PTGER3: variants seen among roughly 807,000 people sequenced by gnomAD.
The protein encoded by PTGER3 is prostaglandin E2 receptor EP3 subtype.
A neutral mutation model predicts 34.7 loss-of-function variants in PTGER3; 22 were observed. The ratio of observed to expected loss-of-function variants is 0.63; its 90% confidence interval spans 0.45 to 0.91. The LOEUF (loss-of-function observed/expected upper bound fraction) is 0.91, where lower values mean the gene tolerates loss of function less well. Among genes scored for constraint, PTGER3 ranks in the 40% least tolerant of loss-of-function variants. The pLI, the probability that PTGER3 is intolerant of heterozygous loss-of-function variation, is 0.00. For synonymous variants in PTGER3, 241 were observed against 230.1 expected (o/e 1.05, Z -0.43); for missense variants, 468 against 519.4 (o/e 0.90, Z 0.96).
At chr1:70,953,669 A>G in intron 3 of PTGER3, 1 of 1,508,568 alleles carries the variant, frequency 6.6e-7, no homozygotes, top group Non-Finnish European at 8.9e-7. Context: ...ACGAACTTTC[A>G]ATTTAAGGAA....
chr1:70,919,972 A>G (rs903553757), intron 4 of PTGER3, among the ~76,000 whole-genome samples: 1 of 152,164 alleles, frequency 6.6e-6, no homozygotes, highest in Admixed American at 6.6e-5. Context: ...TATCTTGCCA[A>G]TTATAAATGA....
intron 2 of PTGER3, among the ~76,000 whole-genome samples, chr1:70,957,743 A>G (rs187559217): frequency 6.6e-6 from 1 of 152,206 alleles, no homozygotes; most frequent in African/African-American, 2.4e-5. Context: ...TATGTAGTAC[A>G]ATGTTATTTT....
intron 3 of PTGER3, among the ~76,000 whole-genome samples, chr1:70,972,823 G>GA (rs962273055): frequency 1.3e-5 from 2 of 151,610 alleles, no homozygotes; most frequent in African/African-American, 2.4e-5. Context: ...AAAACTGCAG[G>GA]AAAAAAAGAA....
At chr1:70,919,118 T>C (rs1186719332) in intron 4 of PTGER3, among the ~76,000 whole-genome samples, 1 of 152,128 alleles carries the variant, frequency 6.6e-6, no homozygotes, top group African/African-American at 2.4e-5. Flanking sequence ...TCTATATTTC[T>C]TTTATCCCTC....
At chr1:71,013,805 A>G (rs1657658080) in intron 1 of PTGER3, among the ~76,000 whole-genome samples, 1 of 152,184 alleles carries the variant, frequency 6.6e-6, no homozygotes, top group Non-Finnish European at 1.5e-5. Flanking sequence ...CACCAAGAGT[A>G]CTGTATATGA....
intron 4 of PTGER3, among the ~76,000 whole-genome samples, chr1:70,887,732 T>C (rs1185313516): frequency 6.6e-6 from 1 of 152,200 alleles, no homozygotes; most frequent in East Asian, 1.9e-4. Context: ...AAAAATCTGT[T>C]TTGCTTGTGA....
chr1:70,857,249 A>G (rs1469220989), intron 4 of PTGER3, among the ~76,000 whole-genome samples: 1 of 152,170 alleles, frequency 6.6e-6, no homozygotes, highest in Non-Finnish European at 1.5e-5. Flanking sequence ...AATTTTCATT[A>G]ATCTGAAAAT....
chr1:70,998,400 G>A (rs1656170389), intron 2 of PTGER3: 2 of 152,182 alleles, frequency 1.3e-5, no homozygotes, highest in Admixed American at 1.3e-4. Context: ...AGTGAAAACT[G>A]AGACTTCGCT....
chr1:70,855,914 T>C (rs982507042), intron 4 of PTGER3, among the ~76,000 whole-genome samples: 1 of 152,182 alleles, frequency 6.6e-6, no homozygotes, highest in Non-Finnish European at 1.5e-5. Context: ...GTGGGGTCAG[T>C]TCTGAGAGGA....
At chr1:71,028,899 T>C (rs1218531630) in intron 1 of PTGER3, among the ~76,000 whole-genome samples, 1 of 152,208 alleles carries the variant, frequency 6.6e-6, no homozygotes, top group Non-Finnish European at 1.5e-5. Context: ...ACTTTTACTG[T>C]ATTAATAATA....
intron 4 of PTGER3, among the ~76,000 whole-genome samples, chr1:70,887,694 G>T (rs149098150): frequency 6.7e-4 from 102 of 151,748 alleles, no homozygotes; most frequent in African/African-American, 2.4e-3. Flanking sequence ...TTTCTCTGTG[G>T]TGCATTAGAG....
chr1:70,930,242 C>T (rs927352059), intron 4 of PTGER3, among the ~76,000 whole-genome samples: 3 of 152,304 alleles, frequency 2.0e-5, no homozygotes, highest in Admixed American at 6.5e-5. Flanking sequence ...AAGCAGACTC[C>T]GTCCTACTGA....
At chr1:70,906,275 C>A (rs890811018) in intron 4 of PTGER3, among the ~76,000 whole-genome samples, 2 of 152,122 alleles carry the variant, frequency 1.3e-5, no homozygotes, top group African/African-American at 4.8e-5. Flanking sequence ...ACTTTGAAAA[C>A]TGTAAGGACA....
intron 2 of PTGER3, among the ~76,000 whole-genome samples, chr1:70,999,591 T>C (rs1044103495): frequency 6.6e-6 from 1 of 152,208 alleles, no homozygotes; most frequent in Non-Finnish European, 1.5e-5. Flanking sequence ...GTTTCACTGA[T>C]GACAAATGGT....
rs529602778 is a variant in PTGER3 at position 70,972,880 on chromosome 1, A to G, written c.1170-1147T>C. Among the ~76,000 whole-genome samples, 3 of 152,140 alleles carry G rather than the reference A, an allele frequency of 2.0e-5. No individual in the cohort carries two copies. The South Asian group carries it at 6.2e-4, about 31-fold the overall frequency. ...GATACTGAATTTTTACTGACTGGTG[A>G]GACTAAAGTTTAGTAAGCTATTTTT... On this transcript the variant is annotated intron_variant, in intron 3 of 3. Transcript: ENST00000306666.
At chr1:70,888,699 G>A (rs1199311846) in intron 4 of PTGER3, among the ~76,000 whole-genome samples, 1 of 151,826 alleles carries the variant, frequency 6.6e-6, no homozygotes, top group African/African-American at 2.4e-5. Context: ...TCCGAGATGT[G>A]AAAAAAAGCA....
chr1:70,922,253 C>T (rs1030834475), intron 4 of PTGER3, among the ~76,000 whole-genome samples: 19 of 152,098 alleles, frequency 1.2e-4, no homozygotes, highest in Non-Finnish European at 2.8e-4. Context: ...AAGAAACGAT[C>T]TTCTATGGTA....
chr1:70,865,556 T>A, intron 4 of PTGER3: 1 of 1,138,460 alleles, frequency 8.8e-7, no homozygotes, highest in Non-Finnish European at 1.2e-6. Flanking sequence ...ACTTATAAAA[T>A]CAGGCCACAA....
chr1:71,047,736 C>G lies in PTGER3; in HGVS notation c.-159G>C. ...CCGCCGCCCTACTCCGCTGCTGGGA[C>G]CGCGGCCGCGGCGGCGCCAGGGCTC... On this transcript the variant is annotated 5_prime_UTR_variant, in exon 1 of 4. Transcript: ENST00000306666. 1.4e-6 allele frequency: 1 copy of G among 704,866 alleles called. No homozygotes were observed. Among genetic ancestry groups the G allele is most frequent in the South Asian group, 6.9e-5 (1 of 14,450 alleles). 43.7% of individuals were successfully genotyped at this position (704,866 alleles called of 1,614,324 possible).
Sources: gnomAD v4.1 joint callset for allele counts (sites outside exome capture counted in the v4.1 genomes callset) on GRCh38, gnomAD v4.1.1 for gene constraint, MANE v1.5 for transcripts, NCBI Gene and HGNC (gene_info 2026-07-23, HGNC 2026-07-21) for gene names.